AGPAT2: variants seen among roughly 807,000 people sequenced by gnomAD.
AGPAT2 encodes the protein 1-acyl-sn-glycerol-3-phosphate acyltransferase beta.
Under a neutral mutation model 26.1 loss-of-function variants are expected in AGPAT2, and 18 were observed. The observed-to-expected ratio is 0.69, with a 90% CI of 0.48 to 1.02. AGPAT2 has a LOEUF of 1.02. Among genes scored for constraint, AGPAT2 ranks in the 50% least tolerant of loss-of-function variants. The probability of loss-of-function intolerance (pLI) is 0.00; values close to 1 mark genes in which losing one functional copy is unlikely to be tolerated. For missense variants in AGPAT2, 415 were observed against 394.9 expected, an observed-to-expected ratio of 1.05 and a Z score of -0.43; for synonymous variants, 200 against 174.2, an observed-to-expected ratio of 1.15 and a Z score of -1.16.
Position 136,677,159 on chromosome 9 carries a change from C to A in AGPAT2, c.317-23G>T, listed in dbSNP as rs201738196. ...GGCCTGGGAGACAGAGAGACAGAGA[C>A]AGAGAGAGAGGGGGAGACAGCGTGC... is the stretch of plus-strand genomic sequence containing the variant. On this transcript the variant is annotated intron_variant, in intron 2 of 5. Transcript: ENST00000371696. 368 of 1,611,946 alleles carry A rather than the reference C, an allele frequency of 2.3e-4. 1 individual carries two copies. In the African/African-American group the frequency reaches 4.5e-3, roughly 20 times the overall value.
rs1272597125 is a variant in AGPAT2, at chr9:136,676,579, G to T, written c.588+6C>A. ...ACCCACCCAGGGAGGGCTGGGCTCA[G>T]CCTACCTGTGCCTGGACTGCCAGGT... is the stretch of plus-strand genomic sequence containing the variant. On this transcript the variant is annotated splice_donor_region_variant and intron_variant, in intron 4 of 5. Coordinates refer to ENST00000371696, the MANE Select transcript of AGPAT2 (RefSeq NM_006412.4). 6.2e-7 allele frequency: 1 copy of T among 1,611,520 alleles called. No homozygotes were observed. The highest frequency in any genetic ancestry group is 8.5e-7 in the Non-Finnish European group (1 of 1,178,784).
chr9:136,673,690 C>T lies in AGPAT2; in HGVS notation c.*62G>A. ...TGGAAGCCGGGAGGAGTCCCCTCTG[C>T]CCATCCTCCAGCCATCGGCTTCCAC... is the stretch of plus-strand genomic sequence containing the variant. On this transcript the variant is annotated 3_prime_UTR_variant, in exon 6 of 6. Transcript: ENST00000371696. 6.8e-7 allele frequency: 1 copy of T among 1,473,822 alleles called. No individual in the cohort carries two copies. The highest frequency in any genetic ancestry group is 2.2e-5 in the Admixed American group (1 of 45,558). The allele number at this position is 1,473,822 out of a possible 1,614,324, so 91.3% of individuals were successfully genotyped here.
rs1254174891 is a variant in AGPAT2 at position 136,687,234 on chromosome 9, C to T, written c.124G>A (p.Ala42Thr). 1 of 1,594,440 alleles carries T rather than the reference C, an allele frequency of 6.3e-7. No homozygotes were observed. Among genetic ancestry groups the T allele is most frequent in the Non-Finnish European group, 8.5e-7 (1 of 1,174,416 alleles). The change falls in exon 1 of 6, where the codon GCC (alanine) becomes ACC (threonine). Residue 42 changes from alanine to threonine, a missense_variant. By Grantham distance (58) the Ala-to-Thr change is moderately conservative. Coordinates refer to ENST00000371696, the MANE Select transcript of AGPAT2 (RefSeq NM_006412.4). ...LYCALCFTVSAVASLVCLLRH... is the reference protein window; with the variant it reads ...LYCALCFTVSTVASLVCLLRH... Reference sequence around the variant, plus strand: ...AGCAGGCAGACGAGCGAGGCCACGGCGGACACCGTGAAGCACAGCGCGCAG... The same window carrying T: ...AGCAGGCAGACGAGCGAGGCCACGGTGGACACCGTGAAGCACAGCGCGCAG...
chr9:136,675,314 C>T (rs534197165), intron 4 of AGPAT2, among the ~76,000 whole-genome samples: 20 of 150,176 alleles, frequency 1.3e-4, no homozygotes, highest in Non-Finnish European at 2.5e-4. Context: ...GCCAGGGAAC[C>T]TCCAGGGGGC....
intron 1 of AGPAT2, among the ~76,000 whole-genome samples, chr9:136,684,978 C>A (rs780863587): frequency 9.2e-5 from 14 of 152,292 alleles, no homozygotes; most frequent in Middle Eastern, 3.4e-3. Flanking sequence ...ACGGCCCCCA[C>A]GGAGGGAACG....
intron 1 of AGPAT2, among the ~76,000 whole-genome samples, chr9:136,681,644 A>G (rs1846162361): frequency 6.6e-6 from 1 of 152,176 alleles, no homozygotes; most frequent in Admixed American, 6.5e-5. Flanking sequence ...TCTATTAACA[A>G]TACAAAAATC....
In AGPAT2 at chr9:136,674,827, C is replaced by T; in HGVS notation, c.589-20G>A. ...GGGCACCTGCAGGCAGGGAGACGCA[C>T]AGCTGAGGCAGCCCTGGGGACAGGC... On this transcript the variant is annotated intron_variant, in intron 4 of 5. Coordinates refer to ENST00000371696, the MANE Select transcript of AGPAT2 (RefSeq NM_006412.4). 6.5e-7 allele frequency: 1 copy of T among 1,530,826 alleles called. No homozygotes were observed. The highest frequency in any genetic ancestry group is 8.8e-7 in the Non-Finnish European group (1 of 1,136,532). 94.8% of individuals were successfully genotyped at this position (1,530,826 alleles called of 1,614,324 possible).
chr9:136,673,716 C>A lies in AGPAT2; in HGVS notation c.*36G>T. 6.6e-7 allele frequency: 1 copy of A among 1,522,706 alleles called. No individual in the cohort carries two copies. The highest frequency in any genetic ancestry group is 1.2e-5 in the South Asian group (1 of 81,634). The allele number at this position is 1,522,706 out of a possible 1,614,324, so 94.3% of individuals were successfully genotyped here. On this transcript the variant is annotated 3_prime_UTR_variant, in exon 6 of 6. Transcript: ENST00000371696. ...CCATCCTCCAGCCATCGGCTTCCAC[C>A]TGCCCTCCCCAGGTCATGCCCTGCC...
intron 1 of AGPAT2, among the ~76,000 whole-genome samples, chr9:136,685,030 T>C (rs1175593932): frequency 6.6e-6 from 1 of 152,154 alleles, no homozygotes; most frequent in Non-Finnish European, 1.5e-5. Context: ...GCTGGGAGTC[T>C]TGGAAGTCAT....
Position 136,687,171 on chromosome 9 carries a change from C to CT in AGPAT2, c.182+4dup, listed in dbSNP as rs1846232911. ...CCGGCCCCTCCCGGCGGCCCCCGGC[C>CT]TTGCCTCATGTTCTCCACCGTCCGG... On this transcript the variant is annotated splice_donor_region_variant and intron_variant, in intron 1 of 5. Transcript: ENST00000371696. 6.3e-7 allele frequency: 1 copy of CT among 1,585,496 alleles called. No homozygotes were observed. The highest frequency in any genetic ancestry group is 8.5e-7 in the Non-Finnish European group (1 of 1,171,526).
chr9:136,673,653 C>CA lies in AGPAT2; in HGVS notation c.*98dup. ...CTGAGTGAGAGCTGGGGGAGCCGGA[C>CA]AGAGTGGTATTTGGAAGCCGGGAGG... On this transcript the variant is annotated 3_prime_UTR_variant, in exon 6 of 6. Coordinates refer to ENST00000371696, the MANE Select transcript of AGPAT2 (RefSeq NM_006412.4). 7.6e-7 allele frequency: 1 copy of CA among 1,310,996 alleles called. No individual in the cohort carries two copies. Among genetic ancestry groups the CA allele is most frequent in the Non-Finnish European group, 1.0e-6 (1 of 978,722 alleles). 81.2% of individuals were successfully genotyped at this position (1,310,996 alleles called of 1,614,324 possible).
At chr9:136,683,207 G>A (rs920247381) in intron 1 of AGPAT2, among the ~76,000 whole-genome samples, 2 of 150,994 alleles carry the variant, frequency 1.3e-5, no homozygotes, top group African/African-American at 4.8e-5. Context: ...AACAGAGCGA[G>A]ACCTTGTCTC....
rs1846044000 is a variant in AGPAT2 at position 136,673,751 on chromosome 9, G to A, written c.*1C>T. The A allele has an allele frequency of 1.3e-6, 2 of 1,585,548 alleles. No homozygotes were observed. Among genetic ancestry groups the A allele is most frequent in the Non-Finnish European group, 1.7e-6 (2 of 1,167,068 alleles). On this transcript the variant is annotated 3_prime_UTR_variant, in exon 6 of 6. Transcript: ENST00000371696. ...CAGGTCATGCCCTGCCGTGGTCTGG[G>A]CTACTGGGCCGGCTGCACGCCAGAC...
intron 3 of AGPAT2, 52 bp downstream of exon 3, chr9:136,676,909 G>GGCC: frequency 6.8e-7 from 1 of 1,460,838 alleles, no homozygotes; most frequent in Non-Finnish European, 9.5e-7. Context: ...CCCCTGCCTG[G>GGCC]CCCCGCCCAG....
chr9:136,676,165 T>C (rs10217363), intron 4 of AGPAT2, among the ~76,000 whole-genome samples: 18,374 of 152,122 alleles, frequency 0.12, 1,194 homozygotes, highest in Middle Eastern at 0.19. Context: ...TGAGCTCTGG[T>C]CTGGCCTGAT....
chr9:136,679,827 G>C (rs1336268269), intron 1 of AGPAT2, among the ~76,000 whole-genome samples: 1 of 152,224 alleles, frequency 6.6e-6, no homozygotes, highest in Non-Finnish European at 1.5e-5. Context: ...GAGTCGCACA[G>C]ACAAGATACT....
In AGPAT2 at chr9:136,673,713, C is replaced by T. The variant is rs758100175; in HGVS notation, c.*39G>A. On this transcript the variant is annotated 3_prime_UTR_variant, in exon 6 of 6. Coordinates refer to ENST00000371696, the MANE Select transcript of AGPAT2 (RefSeq NM_006412.4). ...TGCCCATCCTCCAGCCATCGGCTTC[C>T]ACCTGCCCTCCCCAGGTCATGCCCT... The T allele has an allele frequency of 2.2e-5, 33 of 1,520,368 alleles. No homozygotes were observed. The South Asian group carries it at 3.6e-4, about 16-fold the overall frequency. The allele number at this position is 1,520,368 out of a possible 1,614,324, so 94.2% of individuals were successfully genotyped here.
intron 1 of AGPAT2, among the ~76,000 whole-genome samples, chr9:136,678,315 G>A (rs1291931530): frequency 3.3e-5 from 5 of 152,174 alleles, no homozygotes; most frequent in East Asian, 1.9e-4. Context: ...AATGTGAGGT[G>A]GCCTTGTCCA....
chr9:136,679,872 C>A (rs917467481), intron 1 of AGPAT2, among the ~76,000 whole-genome samples: 3 of 152,180 alleles, frequency 2.0e-5, no homozygotes, highest in Non-Finnish European at 4.4e-5. Flanking sequence ...CCGGCCAGAG[C>A]CCTGAGGAAA....
Sources: gnomAD v4.1 joint callset for allele counts (sites outside exome capture counted in the v4.1 genomes callset) on GRCh38, gnomAD v4.1.1 for gene constraint, MANE v1.5 for transcripts, NCBI Gene and HGNC (gene_info 2026-07-23, HGNC 2026-07-21) for gene names.